DMXL1: variants seen among roughly 807,000 people sequenced by gnomAD.
The protein encoded by DMXL1 is dmX-like protein 1.
DMXL1 carries 99 observed loss-of-function variants against 319.2 expected under a neutral mutation model. The ratio of observed to expected loss-of-function variants is 0.31; its 90% CI spans 0.26 to 0.37. The LOEUF (loss-of-function observed/expected upper bound fraction) is 0.37. DMXL1 is among the 10% of genes least tolerant of loss of function. The pLI is 1.00. For missense variants in DMXL1, 3,745 were observed against 3,595.6 expected (o/e 1.04, Z -1.06); for synonymous variants, 1,385 against 1,235.2 (o/e 1.12, Z -2.54).
rs1400562964 is a variant in DMXL1, at chr5:119,165,202, A to G, written c.4892A>G (p.Tyr1631Cys). ...TTATAGGTAGCTAAAGCAGCCTTTT[A>G]TAGAAAGAATGATCCTTTAGATGCT... ...CIEKVAKAAF[Y>C]RKNDPLDAAI... is the part of the protein sequence containing the mutation. Residue 1631 changes from tyrosine to cysteine, a missense_variant, in exon 21 of 44, where the codon TAT becomes TGT. Physicochemically the swap from Tyr to Cys is radical, Grantham distance 194. Around this residue, in one of 4 missense-constraint regions of DMXL1, gnomAD observed 2,096 missense variants for 1,985.4 expected, o/e 1.06. Coordinates refer to ENST00000539542, the MANE Select transcript of DMXL1 (RefSeq NM_001290321.3). 1.9e-6 allele frequency: 3 copies of G among 1,595,786 alleles called. No individual in the cohort carries two copies. The highest frequency in any genetic ancestry group is 2.7e-5 in the African/African-American group (2 of 73,832).
intron 8 of DMXL1, among the ~76,000 whole-genome samples, chr5:119,120,486 C>T (rs971858133): frequency 6.6e-6 from 1 of 152,198 alleles, no homozygotes; most frequent in Non-Finnish European, 1.5e-5. Context: ...AATATTTGCA[C>T]TGCCTGCCTC....
At chr5:119,157,045 T>A (rs1245800605) in intron 19 of DMXL1, among the ~76,000 whole-genome samples, 1 of 151,794 alleles carries the variant, frequency 6.6e-6, no homozygotes, top group Non-Finnish European at 1.5e-5. Flanking sequence ...GAGTTGAGGG[T>A]CTTACTCTGT....
intron 10 of DMXL1, among the ~76,000 whole-genome samples, chr5:119,131,136 T>C (rs1396251503): frequency 6.8e-6 from 1 of 147,950 alleles, no homozygotes; most frequent in Non-Finnish European, 1.5e-5. Flanking sequence ...TAATACCCTT[T>C]ATCTAATTTC....
intron 34 of DMXL1, among the ~76,000 whole-genome samples, chr5:119,211,661 A>G (rs1285901701): frequency 4.6e-5 from 7 of 151,980 alleles, no homozygotes; most frequent in Non-Finnish European, 5.9e-5. Flanking sequence ...ATTGCTTCCT[A>G]TTTTCTTTCA....
intron 41 of DMXL1, among the ~76,000 whole-genome samples, chr5:119,239,771 C>T (rs760454838): frequency 1.3e-5 from 2 of 151,908 alleles, no homozygotes; most frequent in Non-Finnish European, 2.9e-5. Flanking sequence ...GCCTGGGCAA[C>T]ATGGTGAAAC....
chr5:119,176,506 CTA>C (rs1775823860), intron 26 of DMXL1, among the ~76,000 whole-genome samples: 1 of 151,900 alleles, frequency 6.6e-6, no homozygotes, highest in Non-Finnish European at 1.5e-5. Flanking sequence ...TCTTTCCTAT[CTA>C]TGATTTCTAT....
At chr5:119,210,174 C>G (rs1412517419) in intron 34 of DMXL1, among the ~76,000 whole-genome samples, 1 of 152,138 alleles carries the variant, frequency 6.6e-6, no homozygotes, top group African/African-American at 2.4e-5. Flanking sequence ...TGGTCTCAAA[C>G]TCCTGGGCTC....
chr5:119,082,016 TATATACACAC>T (rs1214711455), intron 1 of DMXL1, among the ~76,000 whole-genome samples: 116 of 78,718 alleles, frequency 1.5e-3, no homozygotes, highest in African/African-American at 4.0e-3. Context: ...TATATATATA[TATATACACAC>T]ACACACACAC....
rs1300942899 is a variant in DMXL1 at position 119,151,910 on chromosome 5, C to T, written c.4595-19C>T. The T allele has an allele frequency of 6.4e-7, 1 of 1,554,334 alleles. No homozygotes were observed. Among genetic ancestry groups the T allele is most frequent in the Non-Finnish European group, 8.9e-7 (1 of 1,129,164 alleles). ...CAATTTTTTTTTTAATACATTGCTT[C>T]CCCTTTCTCCCATTGCAGGTGGAGA... On this transcript the variant is annotated intron_variant, in intron 18 of 43. Transcript: ENST00000539542.
rs766524932 is a variant in DMXL1 at position 119,133,560 on chromosome 5, A to C, written c.1636A>C (p.Ile546Leu). 1 of 1,614,192 alleles carries C rather than the reference A, an allele frequency of 6.2e-7. No homozygotes were observed. The highest frequency in any genetic ancestry group is 1.1e-5 in the South Asian group (1 of 91,054). Residue 546 changes from isoleucine (I) to leucine (L), a missense_variant, in exon 12 of 44, where the codon ATA becomes CTA. Around this residue, in one of 4 missense-constraint regions of DMXL1, gnomAD observed 2,096 missense variants for 1,985.4 expected, o/e 1.06. Coordinates refer to ENST00000539542, the MANE Select transcript of DMXL1 (RefSeq NM_001290321.3). ...TGDANSLCKS[I>L]MMYACTKNVD... ...TGATGCAAACTCTCTCTGTAAAAGC[A>C]TAATGATGTATGCCTGTACCAAGAA...
chr5:119,071,694 C>G (rs2149638355), intron 1 of DMXL1, 38 bp downstream of exon 1: 4 of 1,542,688 alleles, frequency 2.6e-6, no homozygotes, highest in East Asian at 2.4e-5. Flanking sequence ...CGTGGCCCGG[C>G]CTTTGCCCGT....
At chr5:119,134,235 G>A in intron 12 of DMXL1, 33 bp from the exon 13 acceptor site, 1 of 1,603,908 alleles carries the variant, frequency 6.2e-7, no homozygotes. Context: ...ATCATCAAAG[G>A]GTGAAATTTT....
At chr5:119,117,423 G>T (rs572992674) in intron 7 of DMXL1, among the ~76,000 whole-genome samples, 1 of 152,222 alleles carries the variant, frequency 6.6e-6, no homozygotes, top group South Asian at 2.1e-4. Context: ...ACTGTTCTAT[G>T]AATTTTGCTG....
At chr5:119,114,257 T>G (rs1760319160) in intron 5 of DMXL1, among the ~76,000 whole-genome samples, 1 of 152,340 alleles carries the variant, frequency 6.6e-6, no homozygotes, top group East Asian at 1.9e-4. Flanking sequence ...TTTAAAGATT[T>G]TGACAAGCCA....
rs1226093462 is a variant in DMXL1, at chr5:119,150,427, A to C, written c.4594+6A>C. On this transcript the variant is annotated splice_donor_region_variant and intron_variant, in intron 18 of 43. Coordinates refer to ENST00000539542, the MANE Select transcript of DMXL1 (RefSeq NM_001290321.3). ...AAGCCGAGACAGAAGCCAAGGTAAA[A>C]CTAAACTCCGTACTGATAACATTTT... The C allele has an allele frequency of 1.2e-6, 2 of 1,606,316 alleles. No individual in the cohort carries two copies. Among genetic ancestry groups the C allele is most frequent in the Non-Finnish European group, 1.7e-6 (2 of 1,177,108 alleles).
At chr5:119,134,961 T>C (rs1244067012) in intron 13 of DMXL1, among the ~76,000 whole-genome samples, 1 of 152,236 alleles carries the variant, frequency 6.6e-6, no homozygotes, top group Non-Finnish European at 1.5e-5. Context: ...AGAGGCAGCC[T>C]TCGGCTGTAC....
chr5:119,144,414 C>G (rs1169804197), intron 14 of DMXL1, 122 bp from the exon 15 acceptor site: 4 of 715,942 alleles, frequency 5.6e-6, no homozygotes, highest in Non-Finnish European at 9.5e-6. Flanking sequence ...TTACGTTCTG[C>G]TGAACTTTTG....
At chr5:119,189,559 A>G (rs1227448876) in intron 28 of DMXL1, 149 bp from the exon 29 acceptor site, 10 of 705,208 alleles carry the variant, frequency 1.4e-5, no homozygotes, top group Non-Finnish European at 2.3e-5. Flanking sequence ...TCCTCTACTT[A>G]TTTTCTTACC....
intron 23 of DMXL1, among the ~76,000 whole-genome samples, chr5:119,168,356 C>T (rs1773860803): frequency 6.6e-6 from 1 of 152,072 alleles, no homozygotes; most frequent in Admixed American, 6.5e-5. Flanking sequence ...TTTAGAAATC[C>T]TCTTTGCTAA....
Sources: gnomAD v4.1 joint callset for allele counts (sites outside exome capture counted in the v4.1 genomes callset) on GRCh38, gnomAD v4.1.1 for gene constraint, gnomAD v4.1.1 regional missense constraint, MANE v1.5 for transcripts, NCBI Gene and HGNC (gene_info 2026-07-23, HGNC 2026-07-21) for gene names.